Variants in PPP6R3 observed in about 807,000 individuals in gnomAD.
PPP6R3 encodes protein phosphatase 6 regulatory subunit 3.
A neutral mutation model predicts 110.7 loss-of-function variants in PPP6R3; 38 were observed. The observed-to-expected ratio is 0.34, with a 90% CI of 0.26 to 0.45. The LOEUF (loss-of-function observed/expected upper bound fraction) is 0.45, where lower values mean the gene tolerates loss of function less well. Ranked by LOEUF, PPP6R3 falls within the 20% of genes least tolerant of loss-of-function variation. The pLI is 1.00. For synonymous variants in PPP6R3, 369 were observed against 373.5 expected, an observed-to-expected ratio of 0.99 and a Z score of 0.14; for missense variants, 870 against 1,062.4, an observed-to-expected ratio of 0.82 and a Z score of 2.52.
Position 68,476,016 on chromosome 11 carries a change from C to T in PPP6R3, c.-158+15189C>T, listed in dbSNP as rs567565856. ...GCAGAGGGGCTCTTCTCATCCCAGACGATGGGCGGCCAGGCAGAGACGCTC... is the reference window on the plus strand; with the variant it reads ...GCAGAGGGGCTCTTCTCATCCCAGATGATGGGCGGCCAGGCAGAGACGCTC... On this transcript the variant is annotated intron_variant, in intron 1 of 23. Coordinates refer to ENST00000393800, the MANE Select transcript of PPP6R3 (RefSeq NM_001164161.2). Among the ~76,000 whole-genome samples, 355 of 148,396 alleles carry T rather than the reference C, an allele frequency of 2.4e-3. 2 individuals carry two copies. The highest frequency in any genetic ancestry group is 8.5e-3 in the African/African-American group (337 of 39,860).
At chr11:68,522,758 A>G (rs541760879) in intron 2 of PPP6R3, 10 of 152,322 alleles carry the variant, frequency 6.6e-5, no homozygotes, top group African/African-American at 1.4e-4. Context: ...TTTCTGTTCT[A>G]TACACCACCG....
chr11:68,586,033 TAGG>T (rs1205038694), intron 15 of PPP6R3, among the ~76,000 whole-genome samples: 1 of 151,808 alleles, frequency 6.6e-6, no homozygotes, highest in African/African-American at 2.4e-5. Context: ...GAGGCTGAGG[TAGG>T]AGGATTACTA....
intron 20 of PPP6R3, 104 bp from the exon 21 acceptor site, chr11:68,601,759 A>G: frequency 1.2e-6 from 1 of 849,672 alleles, no homozygotes; most frequent in African/African-American, 1.7e-5. Flanking sequence ...CACAGATGCT[A>G]ATGTCTCCTA....
intron 2 of PPP6R3, among the ~76,000 whole-genome samples, chr11:68,524,420 T>C (rs2099185026): frequency 2.0e-5 from 3 of 152,168 alleles, no homozygotes; most frequent in Admixed American, 6.5e-5. Flanking sequence ...GGATATGCTA[T>C]TTCCTGGTGT....
At chr11:68,575,832 T>G (rs1339540273) in intron 13 of PPP6R3, 126 bp from the exon 14 acceptor site, 2 of 618,232 alleles carry the variant, frequency 3.2e-6, no homozygotes, top group Non-Finnish European at 5.7e-6. Context: ...GTTTCTCAGC[T>G]GATAGGGCCT....
intron 2 of PPP6R3, among the ~76,000 whole-genome samples, chr11:68,527,654 T>C (rs1017761251): frequency 6.6e-6 from 1 of 152,222 alleles, no homozygotes; most frequent in Non-Finnish European, 1.5e-5. Flanking sequence ...CTTTGTTGAA[T>C]CTCTGCTGTA....
At chr11:68,557,927 A>G (rs1434768718) in intron 7 of PPP6R3, among the ~76,000 whole-genome samples, 3 of 152,230 alleles carry the variant, frequency 2.0e-5, no homozygotes, top group Non-Finnish European at 4.4e-5. Flanking sequence ...GTTAATTGTT[A>G]TCTTACTATG....
intron 4 of PPP6R3, among the ~76,000 whole-genome samples, chr11:68,546,340 C>T (rs1450243730): frequency 3.3e-5 from 5 of 152,198 alleles, no homozygotes. Flanking sequence ...ATTATCCAGA[C>T]ATTATGCTTC....
chr11:68,493,780 C>T (rs2098998435), intron 1 of PPP6R3, among the ~76,000 whole-genome samples: 1 of 151,442 alleles, frequency 6.6e-6, no homozygotes, highest in Non-Finnish European at 1.5e-5. Flanking sequence ...TTTTATTAAT[C>T]TTGTATGTCA....
chr11:68,588,459 G>A (rs945973129), intron 16 of PPP6R3, among the ~76,000 whole-genome samples: 1 of 151,960 alleles, frequency 6.6e-6, no homozygotes, highest in East Asian at 1.9e-4. Flanking sequence ...AGAGCATGAC[G>A]TGGTCCCTTT....
chr11:68,493,597 T>TAA (rs1210526539), intron 1 of PPP6R3, among the ~76,000 whole-genome samples: 4 of 112,104 alleles, frequency 3.6e-5, no homozygotes, highest in African/African-American at 1.3e-4. Flanking sequence ...ATGCTTGGGG[T>TAA]AAAAAAAAAA....
At chr11:68,570,981 C>T (rs527929400) in intron 11 of PPP6R3, 59 bp from the exon 12 acceptor site, 3 of 1,544,014 alleles carry the variant, frequency 1.9e-6, no homozygotes, top group East Asian at 4.6e-5. Flanking sequence ...AGTTCTGTTT[C>T]ACTTTAAAGT....
At chr11:68,493,185 C>G (rs2098994264) in intron 1 of PPP6R3, among the ~76,000 whole-genome samples, 1 of 152,140 alleles carries the variant, frequency 6.6e-6, no homozygotes, top group Non-Finnish European at 1.5e-5. Flanking sequence ...AGCCTGAATC[C>G]TGATACTTCC....
At chr11:68,525,665 T>C (rs2099193301) in intron 2 of PPP6R3, among the ~76,000 whole-genome samples, 1 of 152,134 alleles carries the variant, frequency 6.6e-6, no homozygotes, top group Non-Finnish European at 1.5e-5. Context: ...TTTTGAAAGA[T>C]TTTTTTGTGA....
At chr11:68,558,528 T>C in intron 7 of PPP6R3, 38 bp from the exon 8 acceptor site, 2 of 1,341,966 alleles carry the variant, frequency 1.5e-6, no homozygotes, top group South Asian at 1.2e-5. Flanking sequence ...TGGTGATAAG[T>C]GATACTGCAG....
intron 1 of PPP6R3, among the ~76,000 whole-genome samples, chr11:68,491,610 A>T (rs573073618): frequency 2.0e-5 from 3 of 151,992 alleles, no homozygotes; most frequent in African/African-American, 7.3e-5. Flanking sequence ...TCAGCCTCCT[A>T]AAGTGTCGGG....
chr11:68,547,356 C>T (rs184628197), intron 4 of PPP6R3, among the ~76,000 whole-genome samples: 40 of 152,206 alleles, frequency 2.6e-4, no homozygotes, highest in East Asian at 2.1e-3. Context: ...ATGACACGTG[C>T]GCATGGACAG....
intron 12 of PPP6R3, 137 bp downstream of exon 12, chr11:68,571,241 AT>A (rs1189829962): frequency 8.4e-7 from 1 of 1,193,274 alleles, no homozygotes; most frequent in Non-Finnish European, 1.1e-6. Context: ...TTTTCCCCAG[AT>A]TATTTCATTG....
chr11:68,601,459 G>T (rs1409039084), intron 20 of PPP6R3, among the ~76,000 whole-genome samples: 1 of 152,216 alleles, frequency 6.6e-6, no homozygotes, highest in Non-Finnish European at 1.5e-5. Context: ...CTCCCAGGCA[G>T]TGTGGCTGAA....
Sources: gnomAD v4.1 joint callset for allele counts (sites outside exome capture counted in the v4.1 genomes callset) on GRCh38, gnomAD v4.1.1 for gene constraint, MANE v1.5 for transcripts, NCBI Gene and HGNC (gene_info 2026-07-23, HGNC 2026-07-21) for gene names.